The following FTO variants were observed in gnomAD, a reference collection of about 807,000 sequenced individuals.
FTO encodes alpha-ketoglutarate-dependent dioxygenase FTO.
Under a neutral mutation model 63.9 loss-of-function variants are expected in FTO, and 47 were observed. The observed-to-expected ratio is 0.74, with a 90% CI of 0.58 to 0.94. The LOEUF (loss-of-function observed/expected upper bound fraction) is 0.94, where lower values mean the gene tolerates loss of function less well. Among genes scored for constraint, FTO ranks in the 40% least tolerant of loss-of-function variants. The probability of loss-of-function intolerance (pLI) is 0.00; values close to 1 mark genes in which losing one functional copy is unlikely to be tolerated. For synonymous variants in FTO, 207 were observed against 224.4 expected (o/e 0.92, Z 0.69); for missense variants, 562 against 618.1 (o/e 0.91, Z 0.96).
At chr16:54,087,667 G>T (rs1454269492) in intron 8 of FTO, among the ~76,000 whole-genome samples, 1 of 152,174 alleles carries the variant, frequency 6.6e-6, no homozygotes, top group Non-Finnish European at 1.5e-5. Context: ...GCTGGATGTG[G>T]TGGCATGCTC....
intron 8 of FTO, among the ~76,000 whole-genome samples, chr16:54,032,951 G>A (rs1277129567): frequency 2.0e-5 from 3 of 152,014 alleles, no homozygotes; most frequent in Admixed American, 1.3e-4. Flanking sequence ...TGACATAACC[G>A]CTCCTGCTTC....
chr16:53,817,241 A>G (rs2078720166), intron 2 of FTO, among the ~76,000 whole-genome samples: 1 of 152,342 alleles, frequency 6.6e-6, no homozygotes, highest in Admixed American at 6.5e-5. Flanking sequence ...GTAGCAAAGC[A>G]CATGTTACCT....
chr16:53,915,186 C>G (rs1241955293), intron 7 of FTO, among the ~76,000 whole-genome samples: 1 of 152,128 alleles, frequency 6.6e-6, no homozygotes, highest in East Asian at 1.9e-4. Context: ...CTGACCCAAC[C>G]AAATTGCTTA....
At chr16:53,770,950 CT>C (rs1424070318) in intron 1 of FTO, among the ~76,000 whole-genome samples, 1 of 152,006 alleles carries the variant, frequency 6.6e-6, no homozygotes, top group Non-Finnish European at 1.5e-5. Context: ...GATTTTTGTT[CT>C]TCTATTTTTT....
intron 1 of FTO, among the ~76,000 whole-genome samples, chr16:53,724,692 G>A (rs2076113347): frequency 6.6e-6 from 1 of 152,104 alleles, no homozygotes; most frequent in African/African-American, 2.4e-5. Flanking sequence ...ATTTGAATAG[G>A]GGAAATAATG....
chr16:54,018,818 C>A (rs944507575), intron 8 of FTO, among the ~76,000 whole-genome samples: 1 of 152,132 alleles, frequency 6.6e-6, no homozygotes, highest in Non-Finnish European at 1.5e-5. Flanking sequence ...TCAATTAAAC[C>A]TCTTTCCTTT....
chr16:53,832,972 G>C (rs2079183509), intron 3 of FTO, among the ~76,000 whole-genome samples: 1 of 152,090 alleles, frequency 6.6e-6, no homozygotes, highest in African/African-American at 2.4e-5. Flanking sequence ...TATTGATATG[G>C]TTCAGCTGTG....
chr16:53,783,229 C>T (rs953294386), intron 1 of FTO, among the ~76,000 whole-genome samples: 4 of 152,000 alleles, frequency 2.6e-5, no homozygotes, highest in African/African-American at 9.7e-5. Flanking sequence ...CTCCTGTAAT[C>T]CCAGCACTTC....
At chr16:53,771,055 G>A (rs1390684330) in intron 1 of FTO, among the ~76,000 whole-genome samples, 3 of 152,072 alleles carry the variant, frequency 2.0e-5, no homozygotes, top group Non-Finnish European at 4.4e-5. Context: ...AAGGGACTTC[G>A]CTATAGGTTG....
intron 8 of FTO, among the ~76,000 whole-genome samples, chr16:54,097,159 A>T (rs1453251546): frequency 3.9e-5 from 6 of 152,112 alleles, no homozygotes; most frequent in African/African-American, 1.4e-4. Context: ...GGATTGTCTA[A>T]CTCAAGCCCT....
chr16:53,990,656 T>TTTTATTTTAC (rs1475803831), intron 8 of FTO, among the ~76,000 whole-genome samples: 6 of 39,366 alleles, frequency 1.5e-4, no homozygotes, highest in Non-Finnish European at 3.4e-4. Context: ...TTCCTTTTCT[T>TTTTATTTTAC]TTTATTTTAT....
At chr16:54,083,442 C>T (rs1251683408) in intron 8 of FTO, among the ~76,000 whole-genome samples, 5 of 152,130 alleles carry the variant, frequency 3.3e-5, no homozygotes, top group African/African-American at 9.7e-5. Flanking sequence ...TTTGATGACA[C>T]AATAAAAAGC....
At chr16:54,065,895 T>C (rs1201453690) in intron 8 of FTO, among the ~76,000 whole-genome samples, 2 of 152,222 alleles carry the variant, frequency 1.3e-5, no homozygotes, top group African/African-American at 4.8e-5. Context: ...TTAGTATATT[T>C]GGAACCCGTA....
rs897362856 is a variant in FTO at position 53,849,663 on chromosome 16, A to G, written c.895+5365A>G. 3.7e-4 allele frequency among the ~76,000 whole-genome samples: 56 copies of G among 152,188 alleles called. 1 individual carries two copies. The highest frequency in any genetic ancestry group is 1.2e-3 in the African/African-American group (51 of 41,454). On this transcript the variant is annotated intron_variant, in intron 4 of 8. Transcript: ENST00000471389. ...TAAGTTCACCTTCCTTGAAATACCT[A>G]TGGCTTAGAGGCAGCAAGACCCAGA...
At chr16:53,953,574 G>A (rs1251912602) in intron 8 of FTO, among the ~76,000 whole-genome samples, 3 of 152,190 alleles carry the variant, frequency 2.0e-5, no homozygotes, top group Non-Finnish European at 2.9e-5. Context: ...CATTTCAGGT[G>A]TGTAACAGGG....
chr16:53,749,631 G>A (rs1002267691), intron 1 of FTO, among the ~76,000 whole-genome samples: 3 of 151,848 alleles, frequency 2.0e-5, no homozygotes, highest in African/African-American at 7.3e-5. Context: ...AGTAGAGACG[G>A]GGTTTCACCG....
At chr16:54,007,241 G>A (rs2084229898) in intron 8 of FTO, among the ~76,000 whole-genome samples, 1 of 152,046 alleles carries the variant, frequency 6.6e-6, no homozygotes, top group African/African-American at 2.4e-5. Flanking sequence ...CACCAGCATG[G>A]CACATGTATA....
intron 3 of FTO, among the ~76,000 whole-genome samples, chr16:53,841,862 G>A (rs1366956179): frequency 6.6e-6 from 1 of 152,142 alleles, no homozygotes; most frequent in African/African-American, 2.4e-5. Flanking sequence ...CCCTCTGCCA[G>A]TCTAAACACT....
intron 8 of FTO, among the ~76,000 whole-genome samples, chr16:54,020,181 T>G (rs926314470): frequency 6.6e-6 from 1 of 152,312 alleles, no homozygotes; most frequent in African/African-American, 2.4e-5. Context: ...CCTCAGAAAT[T>G]TAATACTATT....
Sources: gnomAD v4.1 joint callset for allele counts (sites outside exome capture counted in the v4.1 genomes callset) on GRCh38, gnomAD v4.1.1 for gene constraint, MANE v1.5 for transcripts, NCBI Gene and HGNC (gene_info 2026-07-23, HGNC 2026-07-21) for gene names.